NDUFV2: variants seen among roughly 807,000 people sequenced by gnomAD.
The protein encoded by NDUFV2 is NADH:ubiquinone oxidoreductase core subunit V2, also known as NADH dehydrogenase [ubiquinone] flavoprotein 2, mitochondrial.
Under a neutral mutation model 31.6 loss-of-function variants are expected in NDUFV2, and 18 were observed. The observed-to-expected ratio is 0.57, with a 90% confidence interval of 0.39 to 0.84. The LOEUF (loss-of-function observed/expected upper bound fraction) is 0.84. Among genes scored for constraint, NDUFV2 ranks in the 40% least tolerant of loss-of-function variants. The pLI is 0.00. For missense variants in NDUFV2, 314 were observed against 303.6 expected, an observed-to-expected ratio of 1.03 and a Z score of -0.26; for synonymous variants, 83 against 99.8, an observed-to-expected ratio of 0.83 and a Z score of 1.01.
intron 1 of NDUFV2, among the ~76,000 whole-genome samples, chr18:9,107,336 A>T (rs1568186204): frequency 1.3e-5 from 2 of 152,222 alleles, no homozygotes; most frequent in Admixed American, 6.5e-5. Flanking sequence ...AATAAATTAC[A>T]GGTCTGTTGC....
intron 4 of NDUFV2, among the ~76,000 whole-genome samples, chr18:9,120,050 A>T (rs369888631): frequency 6.6e-6 from 1 of 152,196 alleles, no homozygotes; most frequent in Non-Finnish European, 1.5e-5. Flanking sequence ...TGATTATGCT[A>T]CTTTGGAATC....
intron 1 of NDUFV2, among the ~76,000 whole-genome samples, chr18:9,115,177 T>C (rs1478185823): frequency 1.3e-5 from 2 of 152,138 alleles, no homozygotes; most frequent in African/African-American, 4.8e-5. Flanking sequence ...TAGAGAAAAA[T>C]ATAAAAAATG....
chr18:9,115,375 T>C (rs2077893035), intron 1 of NDUFV2, among the ~76,000 whole-genome samples: 1 of 152,180 alleles, frequency 6.6e-6, no homozygotes, highest in Admixed American at 6.5e-5. Flanking sequence ...TTACGACATA[T>C]TTTTGTTAGC....
chr18:9,124,183 G>GTT (rs58787138), intron 5 of NDUFV2, among the ~76,000 whole-genome samples: 1 of 144,466 alleles, frequency 6.9e-6, no homozygotes, highest in Non-Finnish European at 1.5e-5. Flanking sequence ...ATTACATAGA[G>GTT]TTTTTTTTTT....
chr18:9,119,045 G>T (rs2077915597), intron 2 of NDUFV2, among the ~76,000 whole-genome samples: 2 of 151,960 alleles, frequency 1.3e-5, no homozygotes, highest in African/African-American at 4.8e-5. Context: ...AATGAAGCTG[G>T]ATAACACTTT....
Position 9,122,788 on chromosome 18 carries a change from G to A in NDUFV2, c.469+107G>A, listed in dbSNP as rs1006478323. 15 of 1,040,596 alleles carry A rather than the reference G, an allele frequency of 1.4e-5. No individual in the cohort carries two copies. The African/African-American group carries it at 2.2e-4, about 16-fold the overall frequency. The allele number at this position is 1,040,596 out of a possible 1,614,324, so 64.5% of individuals were successfully genotyped here. On this transcript the variant is annotated intron_variant, in intron 5 of 7. Coordinates refer to ENST00000318388, the MANE Select transcript of NDUFV2 (RefSeq NM_021074.5). Reference sequence around the variant, plus strand: ...CAACTTCTGCCATCTTATTGGATCTGTACTTACCTAGTAATATTTTGTGTT... The same window carrying A: ...CAACTTCTGCCATCTTATTGGATCTATACTTACCTAGTAATATTTTGTGTT...
intron 4 of NDUFV2, 148 bp downstream of exon 4, chr18:9,119,738 T>C (rs2077920980): frequency 2.9e-6 from 2 of 699,522 alleles, no homozygotes; most frequent in African/African-American, 1.8e-5. Context: ...TGAATTGTCT[T>C]TGTGTTTTTG....
At chr18:9,126,981 A>C in intron 7 of NDUFV2, 74 bp downstream of exon 7, 2 of 1,181,980 alleles carry the variant, frequency 1.7e-6, no homozygotes, top group Non-Finnish European at 2.5e-6. Context: ...TGATTTAAAA[A>C]ATTTTATACC....
intron 5 of NDUFV2, among the ~76,000 whole-genome samples, chr18:9,123,600 T>C (rs1316452579): frequency 6.6e-6 from 1 of 152,064 alleles, no homozygotes; most frequent in African/African-American, 2.4e-5. Context: ...ATCTTCTGCC[T>C]CACCCTTCCA....
chr18:9,124,895 C>T lies in NDUFV2; in HGVS notation c.491C>T (p.Thr164Ile), dbSNP rs774391458. ...TTAGGAATAAAGGTTGGGGAGACTA[C>T]ACCTGACAAACTTTTCACTCTTATA... ...KKLGIKVGET[T>I]PDKLFTLIEV... is the part of the protein sequence containing the mutation. The change falls in exon 6 of 8, where the codon ACA becomes ATA. Residue 164 changes from threonine to isoleucine, a missense_variant. Thr to Ile is a moderately conservative substitution (Grantham distance 89). Transcript: ENST00000318388. The T allele has an allele frequency of 2.5e-6, 4 of 1,611,814 alleles. No individual in the cohort carries two copies. Among genetic ancestry groups the T allele is most frequent in the Non-Finnish European group, 8.5e-7 (1 of 1,179,242 alleles).
intron 1 of NDUFV2, chr18:9,104,930 T>C: frequency 6.6e-7 from 1 of 1,524,448 alleles, no homozygotes. Flanking sequence ...CATTTTGATG[T>C]CTACACATAA....
intron 4 of NDUFV2, chr18:9,121,265 T>C (rs2077933281): frequency 6.6e-6 from 1 of 151,994 alleles, no homozygotes; most frequent in South Asian, 2.1e-4. Flanking sequence ...ACAAAAAATA[T>C]CCAGAAGCTT....
At chr18:9,123,823 G>C (rs2077961815) in intron 5 of NDUFV2, among the ~76,000 whole-genome samples, 1 of 152,080 alleles carries the variant, frequency 6.6e-6, no homozygotes, top group Non-Finnish European at 1.5e-5. Flanking sequence ...CAGTTACTTT[G>C]ATGTACACAC....
At chr18:9,114,545 T>C (rs189783152) in intron 1 of NDUFV2, among the ~76,000 whole-genome samples, 188 of 151,746 alleles carry the variant, frequency 1.2e-3, no homozygotes, top group Admixed American at 2.6e-3. Flanking sequence ...CAGAGAAACT[T>C]TACTTAAATC....
At chr18:9,121,257 A>G (rs1342529265) in intron 4 of NDUFV2, 1 of 152,152 alleles carries the variant, frequency 6.6e-6, no homozygotes, top group African/African-American at 2.4e-5. Context: ...ACCTTACAAC[A>G]AAAAATATCC....
chr18:9,118,879 T>TA (rs1375801480), intron 2 of NDUFV2, among the ~76,000 whole-genome samples: 1 of 149,778 alleles, frequency 6.7e-6, no homozygotes, highest in East Asian at 2.0e-4. Flanking sequence ...TAATGGGTCT[T>TA]AACCCTTTTG....
rs2077861957 is a variant in NDUFV2, at chr18:9,110,011, A to C, written c.54+7214A>C. On this transcript the variant is annotated intron_variant, in intron 1 of 7. Coordinates refer to ENST00000318388, the MANE Select transcript of NDUFV2 (RefSeq NM_021074.5). ...TGGTTGCATGCTTTTCTTCTTAAAA[A>C]AAGGAAGTTACTTGGATTTTCAATT... 3.9e-5 allele frequency among the ~76,000 whole-genome samples: 6 copies of C among 152,212 alleles called. No homozygotes were observed. The South Asian group carries it at 1.2e-3, about 31-fold the overall frequency.
At chr18:9,104,977 A>G in intron 1 of NDUFV2, 1 of 1,556,148 alleles carries the variant, frequency 6.4e-7, no homozygotes, top group Non-Finnish European at 8.8e-7. Flanking sequence ...CAAAAATGGA[A>G]AGGTATTTAT....
At chr18:9,109,428 T>G (rs2077858525) in intron 1 of NDUFV2, among the ~76,000 whole-genome samples, 1 of 152,224 alleles carries the variant, frequency 6.6e-6, no homozygotes, top group African/African-American at 2.4e-5. Context: ...CTGGATGCAT[T>G]TATAATGCAA....
Sources: gnomAD v4.1 joint callset for allele counts (sites outside exome capture counted in the v4.1 genomes callset) on GRCh38, gnomAD v4.1.1 for gene constraint, MANE v1.5 for transcripts, NCBI Gene and HGNC (gene_info 2026-07-23, HGNC 2026-07-21) for gene names.